PLCB4: variants seen among roughly 807,000 people sequenced by gnomAD.
PLCB4 encodes 1-phosphatidylinositol 4,5-bisphosphate phosphodiesterase beta-4.
In PLCB4, 77 loss-of-function variants were observed where a neutral mutation model predicts 178.8. The observed-to-expected ratio is 0.43, with a 90% CI of 0.36 to 0.52. The LOEUF is 0.52. Ranked by LOEUF, PLCB4 falls within the 20% of genes least tolerant of loss-of-function variation. The pLI is 0.00. For synonymous variants in PLCB4, 496 were observed against 490.8 expected (o/e 1.01, Z -0.14); for missense variants, 1,024 against 1,453.4 (o/e 0.70, Z 4.80).
At chr20:9,290,946 A>G (rs1203506606) in intron 3 of PLCB4, among the ~76,000 whole-genome samples, 1 of 152,162 alleles carries the variant, frequency 6.6e-6, no homozygotes, top group Non-Finnish European at 1.5e-5. Context: ...AAGGATACTA[A>G]GACTCAGAGG....
chr20:9,398,374 A>G (rs1027965956), intron 19 of PLCB4, among the ~76,000 whole-genome samples: 2 of 152,238 alleles, frequency 1.3e-5, no homozygotes, highest in African/African-American at 4.8e-5. Flanking sequence ...GTTTTTGCAA[A>G]TAATAAATCT....
chr20:9,360,547 G>C (rs568395070), intron 7 of PLCB4, among the ~76,000 whole-genome samples: 2 of 151,864 alleles, frequency 1.3e-5, no homozygotes, highest in African/African-American at 4.8e-5. Context: ...CCTGCAGGTT[G>C]AGAAAATGCA....
intron 2 of PLCB4, among the ~76,000 whole-genome samples, chr20:9,138,869 A>T (rs895072219): frequency 1.3e-5 from 2 of 152,124 alleles, no homozygotes; most frequent in African/African-American, 4.8e-5. Flanking sequence ...TGAATTTTTG[A>T]GTGCTGCTTA....
Position 9,446,757 on chromosome 20 carries a change from TG to T in PLCB4, c.2880+2515del, listed in dbSNP as rs531946811. On this transcript the variant is annotated intron_variant, in intron 32 of 39. Coordinates refer to ENST00000378473, the MANE Select transcript of PLCB4 (RefSeq NM_001377142.1). ...TTAGCCAGGCATGGTGGCAGGTGCC[TG>T]TAATCCCAGCTACTTGGGAGGCTGA... Among the ~76,000 whole-genome samples the T allele has an allele frequency of 5.3e-5, 8 of 152,178 alleles. No individual in the cohort carries two copies. The South Asian group carries it at 1.2e-3, about 24-fold the overall frequency.
intron 32 of PLCB4, among the ~76,000 whole-genome samples, chr20:9,445,519 G>A (rs1484934412): frequency 6.6e-6 from 1 of 152,120 alleles, no homozygotes; most frequent in African/African-American, 2.4e-5. Context: ...CTGATTTTTT[G>A]AGAAGTCATT....
chr20:9,246,018 G>A (rs1222649105), intron 3 of PLCB4, among the ~76,000 whole-genome samples: 1 of 151,970 alleles, frequency 6.6e-6, no homozygotes, highest in Non-Finnish European at 1.5e-5. Flanking sequence ...TACAGGGAGG[G>A]ATAAAGAATT....
At chr20:9,373,171 A>C (rs917611625) in intron 12 of PLCB4, 67 bp downstream of exon 12, 5 of 737,776 alleles carry the variant, frequency 6.8e-6, no homozygotes, top group Non-Finnish European at 9.6e-6. Context: ...TGGTGTCCTC[A>C]TTGCATGCCT....
At position 9,173,139 on chromosome 20, in the gene PLCB4, G is replaced by A. The variant is rs75772975; in HGVS notation, c.-78-44251G>A. The stretch of plus-strand genomic sequence containing the variant: ...GTTGGCCTTGCAAAGCTTTGGTGTG[G>A]TCTGTGGTCTGGGGTGTAGCGTTGA... On this transcript the variant is annotated intron_variant, in intron 2 of 39. Transcript: ENST00000378473. Among the ~76,000 whole-genome samples the A allele has an allele frequency of 2.6e-3, 391 of 152,296 alleles. 1 individual carries two copies. Among genetic ancestry groups the A allele is most frequent in the African/African-American group, 9.0e-3 (376 of 41,560 alleles).
intron 3 of PLCB4, among the ~76,000 whole-genome samples, chr20:9,290,339 G>A (rs1997699): frequency 0.031 from 4,771 of 152,130 alleles, 219 homozygotes; most frequent in African/African-American, 0.1. Flanking sequence ...CCCAGCCTGC[G>A]GATATGGTTT....
intron 17 of PLCB4, among the ~76,000 whole-genome samples, chr20:9,392,950 A>C (rs912234888): frequency 1.1e-4 from 16 of 152,124 alleles, no homozygotes; most frequent in Admixed American, 5.9e-4. Flanking sequence ...GGGGAATGGA[A>C]GACTAGATAC....
chr20:9,468,893 T>C (rs1427991956), intron 36 of PLCB4, among the ~76,000 whole-genome samples: 1 of 152,246 alleles, frequency 6.6e-6, no homozygotes, highest in Non-Finnish European at 1.5e-5. Context: ...AAAATTAGTT[T>C]ACATTCAATA....
chr20:9,134,560 T>C (rs183666818), intron 2 of PLCB4, among the ~76,000 whole-genome samples: 1 of 152,218 alleles, frequency 6.6e-6, no homozygotes, highest in East Asian at 1.9e-4. Flanking sequence ...AGCCATTTTT[T>C]AGATAGTGTG....
intron 20 of PLCB4, among the ~76,000 whole-genome samples, chr20:9,402,342 T>C (rs1012557393): frequency 3.9e-5 from 6 of 152,140 alleles, no homozygotes; most frequent in Non-Finnish European, 7.4e-5. Flanking sequence ...TCACTTTCCA[T>C]GCGGAGGGAC....
At chr20:9,358,150 C>T (rs928215937) in intron 7 of PLCB4, among the ~76,000 whole-genome samples, 3 of 152,206 alleles carry the variant, frequency 2.0e-5, no homozygotes, top group Admixed American at 6.5e-5. Flanking sequence ...CTGATTAAAA[C>T]GTGGATTCCT....
chr20:9,137,690 C>T (rs1311180176), intron 2 of PLCB4, among the ~76,000 whole-genome samples: 2 of 151,608 alleles, frequency 1.3e-5, no homozygotes, highest in Non-Finnish European at 2.9e-5. Flanking sequence ...AGTATTTTCC[C>T]CTTAATTCCT....
chr20:9,252,367 T>A (rs2094190455), intron 3 of PLCB4, among the ~76,000 whole-genome samples: 2 of 152,164 alleles, frequency 1.3e-5, no homozygotes, highest in Admixed American at 1.3e-4. Flanking sequence ...AGCTACGAAA[T>A]CAAAATTTAC....
At chr20:9,431,342 C>T (rs906421050) in intron 28 of PLCB4, among the ~76,000 whole-genome samples, 19 of 152,022 alleles carry the variant, frequency 1.2e-4, no homozygotes, top group African/African-American at 4.1e-4. Flanking sequence ...CATTTCAGTC[C>T]TCTTCTAAAA....
At chr20:9,227,176 A>G (rs1285973179) in intron 3 of PLCB4, among the ~76,000 whole-genome samples, 4 of 142,250 alleles carry the variant, frequency 2.8e-5, no homozygotes, top group African/African-American at 1.1e-4. Flanking sequence ...TCATTGTAAG[A>G]CTTTTTTTTT....
At chr20:9,442,477 T>A (rs1027200841) in intron 30 of PLCB4, among the ~76,000 whole-genome samples, 22 of 152,034 alleles carry the variant, frequency 1.4e-4, no homozygotes, top group Admixed American at 5.9e-4. Flanking sequence ...GGGAAGTTTA[T>A]GTTTTTGTAG....
Sources: allele counts gnomAD v4.1 joint callset (sites outside exome capture counted in the v4.1 genomes callset), GRCh38; gene constraint gnomAD v4.1.1; transcripts MANE v1.5; gene names NCBI Gene and HGNC (gene_info 2026-07-23, HGNC 2026-07-21).